Variants in SAMD7 observed in about 807,000 individuals in gnomAD.
The protein encoded by SAMD7 is sterile alpha motif domain containing 7.
In SAMD7, 34 loss-of-function variants were observed where a neutral mutation model predicts 36.7. The observed-to-expected ratio is 0.93, with a 90% CI of 0.71 to 1.23. The LOEUF (loss-of-function observed/expected upper bound fraction) is 1.23, where lower values mean the gene tolerates loss of function less well. Ranked by LOEUF, SAMD7 falls within the 50% of genes most tolerant of loss-of-function variation. The probability of loss-of-function intolerance (pLI) is 0.00; values close to 1 mark genes in which losing one functional copy is unlikely to be tolerated. For synonymous variants in SAMD7, 188 were observed against 189.7 expected, an observed-to-expected ratio of 0.99 and a Z score of 0.07; for missense variants, 570 against 546.6, an observed-to-expected ratio of 1.04 and a Z score of -0.43.
chr3:169,928,615 C>G (rs1435608720), intron 7 of SAMD7, 37 bp downstream of exon 7: 1 of 1,601,682 alleles, frequency 6.2e-7, no homozygotes, highest in Admixed American at 1.7e-5. Context: ...ACAAGAAAAA[C>G]AGTTTGAAAT....
rs1371975828 is a variant in SAMD7, at chr3:169,919,498, G to A, written c.-1G>A. 1.2e-6 allele frequency: 2 copies of A among 1,613,822 alleles called. No homozygotes were observed. The highest frequency in any genetic ancestry group is 1.3e-5 in the African/African-American group (1 of 75,044). ...GAGAGATATTGAAGACAAACCCGGT[G>A]ATGGCTGTGAACCCTTTATTGACAC... On this transcript the variant is annotated 5_prime_UTR_variant, in exon 3 of 9. Transcript: ENST00000335556.
chr3:169,926,999 C>T lies in SAMD7; in HGVS notation c.737C>T (p.Thr246Ile). 1 of 1,613,938 alleles carries T rather than the reference C, an allele frequency of 6.2e-7. No individual in the cohort carries two copies. ...AGTGAAACGAATGAAAAGCCAACGA[C>T]AGCTCTTGCCAACACCTGTGGAGAG... ...KSSETNEKPT[T>I]ALANTCGELE... Residue 246 changes from threonine (T) to isoleucine (I), a missense_variant, in exon 6 of 9, where the codon ACA (threonine) becomes ATA (isoleucine). Thr to Ile is a moderately conservative substitution (Grantham distance 89). Transcript: ENST00000335556.
intron 7 of SAMD7, among the ~76,000 whole-genome samples, chr3:169,930,835 C>T (rs1037571976): frequency 6.6e-6 from 1 of 152,052 alleles, no homozygotes; most frequent in Non-Finnish European, 1.5e-5. Flanking sequence ...CCCACCTCGG[C>T]CTCCCAAAGT....
At chr3:169,919,217 A>G (rs997728762) in intron 2 of SAMD7, among the ~76,000 whole-genome samples, 2 of 152,194 alleles carry the variant, frequency 1.3e-5, no homozygotes, top group Admixed American at 1.3e-4. Flanking sequence ...ATTTAATTTT[A>G]TTATTGCTTG....
intron 3 of SAMD7, among the ~76,000 whole-genome samples, chr3:169,920,288 G>A (rs1044316114): frequency 5.3e-5 from 8 of 152,238 alleles, no homozygotes; most frequent in African/African-American, 1.9e-4. Flanking sequence ...AGGTGCTGCA[G>A]GGTTGGTGTC....
In SAMD7 at chr3:169,926,982, G is replaced by C. The variant is rs543334158; in HGVS notation, c.720G>C (p.Thr240=). Residue 240 remains threonine (T), a synonymous_variant, in exon 6 of 9, where the codon ACG becomes ACC. Coordinates refer to ENST00000335556, the MANE Select transcript of SAMD7 (RefSeq NM_001304366.2). Reference sequence around the variant, plus strand: ...CCAGCAACCAGAAGTCAAGTGAAACGAATGAAAAGCCAACGACAGCTCTTG... The same window carrying C: ...CCAGCAACCAGAAGTCAAGTGAAACCAATGAAAAGCCAACGACAGCTCTTG... ...EAPSNQKSSE[T]NEKPTTALAN... 1 of 1,613,758 alleles carries C rather than the reference G, an allele frequency of 6.2e-7. No individual in the cohort carries two copies. The highest frequency in any genetic ancestry group is 8.5e-7 in the Non-Finnish European group (1 of 1,179,990).
chr3:169,920,757 G>T (rs867891578), intron 3 of SAMD7, among the ~76,000 whole-genome samples: 3 of 152,130 alleles, frequency 2.0e-5, no homozygotes, highest in Non-Finnish European at 4.4e-5. Context: ...TGTTTATGGA[G>T]TGTGAACAGT....
intron 7 of SAMD7, among the ~76,000 whole-genome samples, chr3:169,928,994 A>G (rs1713385646): frequency 6.6e-6 from 1 of 152,244 alleles, no homozygotes; most frequent in Admixed American, 6.5e-5. Context: ...ACAGGAATAT[A>G]TACTTCATTC....
At chr3:169,922,740 C>G (rs1576830196) in intron 4 of SAMD7, among the ~76,000 whole-genome samples, 3 of 152,286 alleles carry the variant, frequency 2.0e-5, no homozygotes, top group African/African-American at 7.2e-5. Context: ...CTTAAGTCAT[C>G]CACTTGCTTC....
At chr3:169,918,453 G>C (rs1266577809) in intron 2 of SAMD7, among the ~76,000 whole-genome samples, 1 of 152,138 alleles carries the variant, frequency 6.6e-6, no homozygotes, top group Non-Finnish European at 1.5e-5. Flanking sequence ...TGGGAGTTGA[G>C]AATGAAGAAG....
chr3:169,927,113 A>G lies in SAMD7; in HGVS notation c.851A>G (p.Glu284Gly), dbSNP rs1713300807. ...GACGATGGGAAAGAGGAGGCTTCGGAGCAGATTTTTGCAACCTGTGATGAA... is the reference window on the plus strand; with the variant it reads ...GACGATGGGAAAGAGGAGGCTTCGGGGCAGATTTTTGCAACCTGTGATGAA... ...AWDDGKEEAS[E>G]QIFATCDEKN... Residue 284 changes from glutamate to glycine, a missense_variant, in exon 6 of 9, where the codon GAG becomes GGG. Coordinates refer to ENST00000335556, the MANE Select transcript of SAMD7 (RefSeq NM_001304366.2). 9 of 1,581,796 alleles carry G rather than the reference A, an allele frequency of 5.7e-6. No homozygotes were observed. The highest frequency in any genetic ancestry group is 7.7e-6 in the Non-Finnish European group (9 of 1,170,112).
At chr3:169,930,685 G>A (rs1206386401) in intron 7 of SAMD7, among the ~76,000 whole-genome samples, 2 of 149,554 alleles carry the variant, frequency 1.3e-5, no homozygotes, top group African/African-American at 2.5e-5. Flanking sequence ...GGGTTCAAGC[G>A]ATTCTCCTGC....
chr3:169,925,241 T>A, intron 5 of SAMD7, 105 bp downstream of exon 5: 1 of 655,948 alleles, frequency 1.5e-6, no homozygotes, highest in Non-Finnish European at 2.5e-6. Flanking sequence ...ATATAACAAA[T>A]AAATACACAC....
intron 1 of SAMD7, among the ~76,000 whole-genome samples, chr3:169,915,002 C>A (rs995608419): frequency 3.3e-5 from 5 of 152,166 alleles, no homozygotes; most frequent in African/African-American, 1.2e-4. Context: ...AAGTCATTTC[C>A]CATCTGAAGC....
intron 7 of SAMD7, among the ~76,000 whole-genome samples, chr3:169,930,006 G>A (rs1034121540): frequency 5.9e-5 from 9 of 152,280 alleles, no homozygotes; most frequent in Middle Eastern, 3.4e-3. Context: ...GATAACAACC[G>A]GAAGAGCAAC....
In SAMD7 at chr3:169,911,802, A is replaced by T. The variant is rs1382407234; in HGVS notation, c.-136A>T. The T allele has an allele frequency of 6.6e-6, 1 of 152,258 alleles. No individual in the cohort carries two copies. The highest frequency in any genetic ancestry group is 1.5e-5 in the Non-Finnish European group (1 of 68,044). The allele number at this position is 152,258 out of a possible 1,614,324, so 9.4% of individuals were successfully genotyped here. ...TTCTTCCATCTGCAATATCAAAGAC[A>T]AGAAGTCTTCATAGAGGATGTAAGT... On this transcript the variant is annotated 5_prime_UTR_variant, in exon 1 of 9. Transcript: ENST00000335556.
chr3:169,912,724 T>TCAATG (rs1712651589), intron 1 of SAMD7, among the ~76,000 whole-genome samples: 1 of 152,208 alleles, frequency 6.6e-6, no homozygotes, highest in South Asian at 2.1e-4. Context: ...CCCACTGTCT[T>TCAATG]CAATGCTTTC....
rs1330335607 is a variant in SAMD7, at chr3:169,927,130, T to C, written c.868T>C (p.Cys290Arg). 1 of 1,568,780 alleles carries C rather than the reference T, an allele frequency of 6.4e-7. No homozygotes were observed. Among genetic ancestry groups the C allele is most frequent in the Non-Finnish European group, 8.6e-7 (1 of 1,163,902 alleles). Residue 290 changes from cysteine to arginine, a missense_variant, in exon 6 of 9, where the codon TGT (cysteine) becomes CGT (arginine). Coordinates refer to ENST00000335556, the MANE Select transcript of SAMD7 (RefSeq NM_001304366.2). ...GGCTTCGGAGCAGATTTTTGCAACC[T>C]GTGATGAAAAGAATGGGGTTTGCCC... ...EEASEQIFAT[C>R]DEKNGVCPPV...
At position 169,936,350 on chromosome 3, in the gene SAMD7, T is replaced by C. The variant is rs1285978674; in HGVS notation, c.1053T>C (p.Asp351=). 6 of 1,603,396 alleles carry C rather than the reference T, an allele frequency of 3.7e-6. No individual in the cohort carries two copies. Among genetic ancestry groups the C allele is most frequent in the South Asian group, 1.1e-5 (1 of 90,690 alleles). Residue 351 remains aspartate (D), a synonymous_variant, in exon 8 of 9, where the codon GAT becomes GAC. Coordinates refer to ENST00000335556, the MANE Select transcript of SAMD7 (RefSeq NM_001304366.2). ...TTGTATTTATGAAGGTATTTAAAGA[T>C]CATGCAATTGATGGAGAAACTTTGC... ...GCSDYAQVFK[D]HAIDGETLPL... is the part of the protein sequence containing the mutation.
Sources: allele counts gnomAD v4.1 joint callset (sites outside exome capture counted in the v4.1 genomes callset), GRCh38; gene constraint gnomAD v4.1.1; transcripts MANE v1.5; gene names NCBI Gene and HGNC (gene_info 2026-07-23, HGNC 2026-07-21).